Variants in GPHN observed in about 807,000 individuals in gnomAD.
The protein encoded by GPHN is gephyrin.
A neutral mutation model predicts 95.5 loss-of-function variants in GPHN; 17 were observed. The observed-to-expected ratio is 0.18, with a 90% confidence interval of 0.12 to 0.27. GPHN has a LOEUF of 0.27. GPHN is among the 10% of genes least tolerant of loss of function. GPHN has a pLI of 1.00. For synonymous variants in GPHN, 320 were observed against 322.5 expected (o/e 0.99, Z 0.08); for missense variants, 660 against 978.1 (o/e 0.67, Z 4.34).
At chr14:66,777,783 C>G (rs1296406463) in intron 3 of GPHN, among the ~76,000 whole-genome samples, 1 of 152,122 alleles carries the variant, frequency 6.6e-6, no homozygotes, top group African/African-American at 2.4e-5. Flanking sequence ...ACCCTTCATG[C>G]TAAAAACTCT....
the GPHN span, among the ~76,000 whole-genome samples, chr14:67,633,185 TTTG>T: frequency 6.6e-6 from 1 of 152,202 alleles, no homozygotes; most frequent in African/African-American, 2.4e-5. Flanking sequence ...TTAGGTTTAT[TTTG>T]TTGTTTTTTG....
intron 17 of GPHN, among the ~76,000 whole-genome samples, chr14:67,141,664 G>T (rs1026201896): frequency 2.0e-5 from 3 of 152,090 alleles, no homozygotes; most frequent in Admixed American, 6.6e-5. Context: ...TTCCACTCAG[G>T]CAGTCTGACT....
intron 1 of GPHN, among the ~76,000 whole-genome samples, chr14:66,588,045 G>A (rs543448865): frequency 3.2e-4 from 49 of 152,298 alleles, no homozygotes; most frequent in African/African-American, 1.1e-3. Flanking sequence ...GGAAGGAACA[G>A]GTAGCAATCT....
the GPHN span, among the ~76,000 whole-genome samples, chr14:67,689,552 C>T: frequency 6.6e-6 from 1 of 152,114 alleles, no homozygotes; most frequent in Non-Finnish European, 1.5e-5. Context: ...CTCAGTCTCA[C>T]TGTGAGTAAA....
At chr14:66,980,187 T>C (rs1567175974) in intron 9 of GPHN, among the ~76,000 whole-genome samples, 1 of 152,100 alleles carries the variant, frequency 6.6e-6, no homozygotes, top group Non-Finnish European at 1.5e-5. Flanking sequence ...GTTGGAAAAT[T>C]GGTGACGATA....
At chr14:67,081,438 T>A (rs556505060) in intron 11 of GPHN, among the ~76,000 whole-genome samples, 1 of 152,326 alleles carries the variant, frequency 6.6e-6, no homozygotes, top group Non-Finnish European at 1.5e-5. Flanking sequence ...TAGCCCATTT[T>A]TTGACAGGAT....
intron 1 of GPHN, among the ~76,000 whole-genome samples, chr14:66,599,122 CTT>C (rs2062110339): frequency 6.6e-6 from 1 of 151,878 alleles, no homozygotes; most frequent in Non-Finnish European, 1.5e-5. Flanking sequence ...TTGAAAGAAA[CTT>C]TTTATTAAAA....
the GPHN span, among the ~76,000 whole-genome samples, chr14:67,196,200 CCTTT>C: frequency 1.3e-5 from 2 of 151,308 alleles, no homozygotes; most frequent in Non-Finnish European, 2.9e-5. Flanking sequence ...CTTTTTCTTT[CCTTT>C]CTTTTCTTTT....
intron 1 of GPHN, among the ~76,000 whole-genome samples, chr14:66,661,433 T>C (rs2065641121): frequency 2.0e-5 from 3 of 152,006 alleles, no homozygotes; most frequent in Non-Finnish European, 4.4e-5. Flanking sequence ...AGAGGGACCC[T>C]CAATCCAAAT....
chr14:66,970,525 G>T (rs1393592309), intron 9 of GPHN, among the ~76,000 whole-genome samples: 2 of 152,160 alleles, frequency 1.3e-5, no homozygotes, highest in Non-Finnish European at 2.9e-5. Context: ...GGGTGATTAT[G>T]TGATATGGCT....
intron 5 of GPHN, among the ~76,000 whole-genome samples, chr14:66,897,652 C>T (rs1195307389): frequency 2.6e-5 from 4 of 152,116 alleles, no homozygotes; most frequent in Non-Finnish European, 4.4e-5. Context: ...TAAATTGTTA[C>T]ATGGATCAAT....
intron 1 of GPHN, among the ~76,000 whole-genome samples, chr14:66,623,617 CAAAAAAAAAAA>C (rs57810648): frequency 5.5e-5 from 5 of 91,530 alleles, no homozygotes; most frequent in Non-Finnish European, 8.6e-5. Flanking sequence ...GACTCTGTTT[CAAAAAAAAAAA>C]AAAAAAAAAA....
chr14:66,606,679 A>T (rs1566690687), intron 1 of GPHN, among the ~76,000 whole-genome samples: 1 of 151,946 alleles, frequency 6.6e-6, no homozygotes, highest in Non-Finnish European at 1.5e-5. Context: ...TCTTGTAGAG[A>T]TCTTTCACCT....
intron 9 of GPHN, among the ~76,000 whole-genome samples, chr14:66,982,241 T>G (rs1210005571): frequency 6.6e-6 from 1 of 152,164 alleles, no homozygotes; most frequent in Non-Finnish European, 1.5e-5. Flanking sequence ...GAAATCGTTT[T>G]CAGTGAGCTC....
intron 20 of GPHN, among the ~76,000 whole-genome samples, chr14:67,167,728 T>C (rs1386571519): frequency 6.6e-6 from 1 of 152,164 alleles, no homozygotes; most frequent in Non-Finnish European, 1.5e-5. Context: ...TGTATAAAAG[T>C]ATTAAAACAA....
the GPHN span, among the ~76,000 whole-genome samples, chr14:67,248,879 C>T: frequency 1.3e-5 from 2 of 151,894 alleles, no homozygotes; most frequent in Non-Finnish European, 2.9e-5. Flanking sequence ...AGGCTGGTCT[C>T]GAACTCCATG....
chr14:66,948,443 A>G (rs1236449071), intron 8 of GPHN, among the ~76,000 whole-genome samples: 1 of 152,202 alleles, frequency 6.6e-6, no homozygotes, highest in Non-Finnish European at 1.5e-5. Flanking sequence ...ATGAATTTTT[A>G]TCTAAATTTA....
At chr14:67,039,622 C>T (rs2074596369) in intron 10 of GPHN, among the ~76,000 whole-genome samples, 1 of 152,096 alleles carries the variant, frequency 6.6e-6, no homozygotes, top group Non-Finnish European at 1.5e-5. Context: ...AGTGAGATCT[C>T]ATCTCTATCA....
chr14:66,838,601 A>G (rs2061954573), intron 4 of GPHN, among the ~76,000 whole-genome samples: 1 of 152,162 alleles, frequency 6.6e-6, no homozygotes, highest in African/African-American at 2.4e-5. Flanking sequence ...ATGTGCTAAG[A>G]AATTAACAAC....
Sources: allele counts gnomAD v4.1 joint callset (sites outside exome capture counted in the v4.1 genomes callset), GRCh38; gene constraint gnomAD v4.1.1; transcripts MANE v1.5; gene names NCBI Gene and HGNC (gene_info 2026-07-23, HGNC 2026-07-21).